NIN: variants seen among roughly 807,000 people sequenced by gnomAD.
NIN encodes ninein.
NIN carries 137 observed loss-of-function variants against 257.6 expected under a neutral mutation model. The observed-to-expected ratio is 0.53, with a 90% CI of 0.46 to 0.61. NIN has a LOEUF of 0.61. NIN is among the 20% of genes least tolerant of loss of function. NIN has a pLI of 0.00. For synonymous variants in NIN, 918 were observed against 919.8 expected (o/e 1.00, Z 0.04); for missense variants, 2,439 against 2,501.2 (o/e 0.98, Z 0.53).
chr14:50,801,742 A>C (rs1414780068), intron 4 of NIN, among the ~76,000 whole-genome samples: 1 of 152,268 alleles, frequency 6.6e-6, no homozygotes, highest in Non-Finnish European at 1.5e-5. Context: ...AAAGAAAATA[A>C]TTACAATTAT....
At chr14:50,760,965 T>C (rs2042252889) in intron 16 of NIN, among the ~76,000 whole-genome samples, 1 of 152,146 alleles carries the variant, frequency 6.6e-6, no homozygotes, top group South Asian at 2.1e-4. Context: ...CACTGTACCC[T>C]GCTGGGTCTT....
At position 50,727,603 on chromosome 14, in the gene NIN, ATGTCTC is replaced by A; in HGVS notation, c.6079-1543_6079-1538del. 2.8e-6 allele frequency: 4 copies of A among 1,416,962 alleles called. No individual in the cohort carries two copies. In the South Asian group the frequency reaches 4.7e-5, roughly 17 times the overall value. The allele number at this position is 1,416,962 out of a possible 1,614,324, so 87.8% of individuals were successfully genotyped here. Reference sequence around the variant, plus strand: ...ACTTAATTCCAACATATCTTAGCTTATGTCTCTGTGTGTGGTGTGTGTGCATGGGTG... The same window carrying A: ...ACTTAATTCCAACATATCTTAGCTTATGTGTGTGGTGTGTGTGCATGGGTG... On this transcript the variant is annotated intron_variant, in intron 29 of 30. Transcript: ENST00000530997.
intron 2 of NIN, among the ~76,000 whole-genome samples, chr14:50,826,773 T>C (rs1032782528): frequency 2.6e-5 from 4 of 152,184 alleles, no homozygotes; most frequent in Non-Finnish European, 5.9e-5. Flanking sequence ...ATATGCACAA[T>C]GCTAGAGCCC....
chr14:50,758,354 C>T lies in NIN; in HGVS notation c.2676G>A (p.Gln892=), dbSNP rs78234652. 1,068 of 1,614,252 alleles carry T rather than the reference C, an allele frequency of 6.6e-4. 6 individuals carry two copies. In the African/African-American group the frequency reaches 0.012, roughly 19 times the overall value. The stretch of plus-strand genomic sequence containing the variant: ...ATGTTTTCTCCAGCATCTCTCTCTC[C>T]TGGGTCAGGACCAGAGAAGTTGTTT... ...REKTTSLVLT[Q]EREMLEKTYK... Residue 892 remains glutamine (Q), a synonymous_variant, in exon 18 of 31, where the codon CAG becomes CAA. Transcript: ENST00000530997.
intron 4 of NIN, chr14:50,794,589 G>T: frequency 2.6e-6 from 1 of 390,324 alleles, no homozygotes; most frequent in Non-Finnish European, 3.5e-6. Flanking sequence ...AATTTTGGTG[G>T]CAGACAACAA....
chr14:50,817,968 G>A (rs902437675), intron 3 of NIN, among the ~76,000 whole-genome samples: 1 of 151,664 alleles, frequency 6.6e-6, no homozygotes, highest in African/African-American at 2.4e-5. Context: ...CACCTGCCTC[G>A]GCCTCCCAAA....
chr14:50,725,989 C>T lies in NIN; in HGVS notation c.6156G>A (p.Arg2052=), dbSNP rs534805269. The T allele has an allele frequency of 8.1e-6, 13 of 1,613,958 alleles. No individual in the cohort carries two copies. Among genetic ancestry groups the T allele is most frequent in the Admixed American group, 3.3e-5 (2 of 59,988 alleles). ...EVEQKLKLVK[R]LLQEKVNQLK... ...GCTGATTCACTTTCTCTTGAAGAAGCCTTTTCACTAGTTTCAGTTTCTGTT... is the reference window on the plus strand; with the variant it reads ...GCTGATTCACTTTCTCTTGAAGAAGTCTTTTCACTAGTTTCAGTTTCTGTT... The change falls in exon 30 of 31, where the codon AGG becomes AGA. Residue 2052 remains arginine (R), a synonymous_variant. Coordinates refer to ENST00000530997, the MANE Select transcript of NIN (RefSeq NM_020921.4).
intron 18 of NIN, 135 bp from the exon 19 acceptor site, chr14:50,755,002 G>T: frequency 1.8e-6 from 1 of 553,032 alleles, no homozygotes. Flanking sequence ...TAGTCTCTTA[G>T]TATTTGGAAA....
Position 50,818,896 on chromosome 14 carries a change from CAAAA to C in NIN, c.183+2974_183+2977del, listed in dbSNP as rs10618868. 6.8e-4 allele frequency among the ~76,000 whole-genome samples: 99 copies of C among 146,020 alleles called. No homozygotes were observed. The South Asian group carries it at 9.8e-3, about 14-fold the overall frequency. ...TTAACAACTATTAAACATTAGGCCT[CAAAA>C]AAAAAAAAAACAAGTTATTGAAGAT... is the stretch of plus-strand genomic sequence containing the variant. On this transcript the variant is annotated intron_variant, in intron 3 of 30. Coordinates refer to ENST00000530997, the MANE Select transcript of NIN (RefSeq NM_020921.4).
intron 20 of NIN, among the ~76,000 whole-genome samples, 159 bp downstream of exon 20, chr14:50,754,404 T>C (rs558331543): frequency 6.6e-6 from 1 of 152,186 alleles, no homozygotes; most frequent in South Asian, 2.1e-4. Context: ...TAGTTTAGAG[T>C]CAGTATGAGG....
chr14:50,789,660 C>T (rs560773286), intron 5 of NIN, among the ~76,000 whole-genome samples: 241 of 152,314 alleles, frequency 1.6e-3, no homozygotes, highest in Admixed American at 4.7e-3. Flanking sequence ...CAATCCCACA[C>T]GTCATTGAGA....
rs750387600 is a variant in NIN, at chr14:50,760,082, A to G, written c.2174T>C (p.Met725Thr). The G allele has an allele frequency of 6.2e-7, 1 of 1,614,054 alleles. No homozygotes were observed. Among genetic ancestry groups the G allele is most frequent in the Non-Finnish European group, 8.5e-7 (1 of 1,180,010 alleles). ...CTGTGTCAGTCTAGCCTTGAGCTCCATCTCATGTTGCAGCCTCAGCTTCTC... is the reference window on the plus strand; with the variant it reads ...CTGTGTCAGTCTAGCCTTGAGCTCCGTCTCATGTTGCAGCCTCAGCTTCTC... ...LQEKLRLQHE[M>T]ELKARLTQAQ... Residue 725 changes from methionine (M) to threonine (T), a missense_variant, in exon 17 of 31, where the codon ATG (methionine) becomes ACG (threonine). Met to Thr is a moderately conservative substitution (Grantham distance 81, BLOSUM62 -1). Around this residue, in one of 3 missense-constraint regions of NIN, gnomAD observed 2,043 missense variants for 2,050.2 expected, o/e 1.00. Transcript: ENST00000530997.
intron 21 of NIN, among the ~76,000 whole-genome samples, chr14:50,750,146 C>A (rs148327124): frequency 8.7e-4 from 133 of 152,124 alleles, no homozygotes; most frequent in African/African-American, 3.0e-3. Context: ...TTCCTTCTGG[C>A]CCCATCAGAT....
intron 5 of NIN, among the ~76,000 whole-genome samples, chr14:50,788,204 G>A (rs1017839400): frequency 2.6e-5 from 4 of 152,124 alleles, no homozygotes; most frequent in Non-Finnish European, 2.9e-5. Flanking sequence ...CAGGAGAGGA[G>A]GCCAAGGTGG....
chr14:50,793,178 G>T (rs2043676729), intron 4 of NIN, among the ~76,000 whole-genome samples: 1 of 152,060 alleles, frequency 6.6e-6, no homozygotes, highest in Admixed American at 6.6e-5. Flanking sequence ...AAGGTGAGGG[G>T]TCACATTTGT....
chr14:50,791,807 G>GCACACACAAACACACACACACACACACA (rs57083345), intron 5 of NIN, among the ~76,000 whole-genome samples: 2 of 116,702 alleles, frequency 1.7e-5, no homozygotes, highest in South Asian at 2.4e-4. Context: ...AGGTGCACGC[G>GCACACACAAACACACACACACACACACA]CACACACACA....
At chr14:50,745,267 A>G (rs930620017) in intron 22 of NIN, among the ~76,000 whole-genome samples, 3 of 152,124 alleles carry the variant, frequency 2.0e-5, no homozygotes, top group Non-Finnish European at 4.4e-5. Context: ...GCTTTACTCA[A>G]AAGATGGCAG....
chr14:50,778,329 T>C (rs1298416878), intron 6 of NIN, among the ~76,000 whole-genome samples: 2 of 152,102 alleles, frequency 1.3e-5, no homozygotes, highest in Admixed American at 6.5e-5. Flanking sequence ...AGGCATGTGC[T>C]ACCACACCTG....
intron 2 of NIN, chr14:50,823,154 T>C: frequency 2.2e-6 from 1 of 451,336 alleles, no homozygotes; most frequent in Middle Eastern, 3.7e-4. Flanking sequence ...ATGAAATCTG[T>C]GGTTTTTTTT....
Sources: allele counts gnomAD v4.1 joint callset (sites outside exome capture counted in the v4.1 genomes callset), GRCh38; gene constraint gnomAD v4.1.1; regional missense constraint gnomAD v4.1.1; transcripts MANE v1.5; gene names NCBI Gene and HGNC (gene_info 2026-07-23, HGNC 2026-07-21).